GRM7: variants seen among roughly 807,000 people sequenced by gnomAD.
The protein encoded by GRM7 is glutamate metabotropic receptor 7.
In GRM7, 35 loss-of-function variants were observed where a neutral mutation model predicts 84.5. The observed-to-expected ratio is 0.41, with a 90% confidence interval of 0.32 to 0.55. GRM7 has a LOEUF of 0.55. Among genes scored for constraint, GRM7 ranks in the 20% least tolerant of loss-of-function variants. GRM7 has a pLI of 0.19. For missense variants in GRM7, 1,003 were observed against 1,194.6 expected (o/e 0.84, Z 2.36); for synonymous variants, 487 against 455.1 (o/e 1.07, Z -0.89).
At chr3:7,502,855 A>T (rs535330459) in intron 7 of GRM7, among the ~76,000 whole-genome samples, 1 of 152,200 alleles carries the variant, frequency 6.6e-6, no homozygotes, top group Non-Finnish European at 1.5e-5. Flanking sequence ...ACATCATTTT[A>T]ATTCTAACGC....
At position 7,661,794 on chromosome 3, in the gene GRM7, C is replaced by CAAAAAAAAAAAAA. The variant is rs71043686; in HGVS notation, c.2452-18241_2452-18229dup. On this transcript the variant is annotated intron_variant, in intron 8 of 9. Transcript: ENST00000357716. ...GGGCCACAGAGCGAGGTCTCCGTCT[C>CAAAAAAAAAAAAA]AAAAAAAAAAAAAAAAAAAAAAAAA... is the stretch of plus-strand genomic sequence containing the variant. Among the ~76,000 whole-genome samples the CAAAAAAAAAAAAA allele has an allele frequency of 6.3e-3, 177 of 28,196 alleles. 21 individuals are homozygous for CAAAAAAAAAAAAA. Among genetic ancestry groups the CAAAAAAAAAAAAA allele is most frequent in the East Asian group, 0.035 (19 of 546 alleles). The allele number at this position is 28,196 out of a possible 152,430, so 18.5% of individuals were successfully genotyped here. A position where few individuals can be genotyped will look rare whatever the true frequency, so the allele number is the denominator to read the frequency against.
At chr3:7,714,533 C>T (rs887482015) in intron 9 of GRM7, among the ~76,000 whole-genome samples, 1 of 152,172 alleles carries the variant, frequency 6.6e-6, no homozygotes, top group Non-Finnish European at 1.5e-5. Context: ...AATGCATTCA[C>T]TTAGGTTCCA....
chr3:7,308,378 C>A (rs193044188), intron 4 of GRM7, among the ~76,000 whole-genome samples: 2 of 152,280 alleles, frequency 1.3e-5, no homozygotes, highest in East Asian at 1.9e-4. Flanking sequence ...GTTGGAACTA[C>A]CTCTTTACTT....
chr3:7,199,268 G>C (rs1043502944), intron 2 of GRM7, among the ~76,000 whole-genome samples: 2 of 152,192 alleles, frequency 1.3e-5, no homozygotes, highest in Admixed American at 6.5e-5. Flanking sequence ...GCCAAATGCT[G>C]AGACATGACA....
At chr3:6,971,328 T>A (rs1693752616) in intron 1 of GRM7, among the ~76,000 whole-genome samples, 1 of 152,180 alleles carries the variant, frequency 6.6e-6, no homozygotes, top group Non-Finnish European at 1.5e-5. Context: ...TTTGAAACAA[T>A]TACAACCTCA....
intron 4 of GRM7, among the ~76,000 whole-genome samples, chr3:7,395,018 A>G (rs1368341380): frequency 6.9e-6 from 1 of 145,550 alleles, no homozygotes; most frequent in East Asian, 2.0e-4. Context: ...AGCCTGAGCA[A>G]CAACAGTGAA....
intron 1 of GRM7, among the ~76,000 whole-genome samples, chr3:7,111,938 T>G (rs1285396016): frequency 6.6e-6 from 1 of 152,148 alleles, no homozygotes. Flanking sequence ...CAGGGCCTTT[T>G]AAAATTAAGC....
intron 5 of GRM7, among the ~76,000 whole-genome samples, chr3:7,439,288 C>A (rs1197275284): frequency 6.6e-6 from 1 of 152,044 alleles, no homozygotes; most frequent in Non-Finnish European, 1.5e-5. Flanking sequence ...CTCTTTAGAG[C>A]AAAGGTCAGC....
intron 2 of GRM7, among the ~76,000 whole-genome samples, chr3:7,167,861 C>T (rs1037435537): frequency 4.0e-5 from 6 of 151,250 alleles, no homozygotes; most frequent in African/African-American, 7.3e-5. Flanking sequence ...CCCTGCTACT[C>T]GGGAGGCTGA....
chr3:7,347,711 C>G (rs757408789), intron 4 of GRM7, among the ~76,000 whole-genome samples: 1 of 152,094 alleles, frequency 6.6e-6, no homozygotes, highest in East Asian at 1.9e-4. Context: ...AAAACTTTAT[C>G]GTCTTCATTA....
chr3:6,904,068 T>A (rs1696484784), intron 1 of GRM7, among the ~76,000 whole-genome samples: 1 of 152,190 alleles, frequency 6.6e-6, no homozygotes, highest in Non-Finnish European at 1.5e-5. Context: ...CACTTCTTTT[T>A]AAATCTGACT....
At chr3:7,310,060 C>T (rs546950259) in intron 4 of GRM7, among the ~76,000 whole-genome samples, 7 of 152,300 alleles carry the variant, frequency 4.6e-5, no homozygotes, top group East Asian at 3.9e-4. Flanking sequence ...TAATGGCCTA[C>T]GTTGCCTTCA....
rs190659449 is a variant in GRM7 at position 7,373,279 on chromosome 3, G to A, written c.1034-41744G>A. Among the ~76,000 whole-genome samples the A allele has an allele frequency of 2.4e-4, 36 of 152,180 alleles. No individual in the cohort carries two copies. In the East Asian group the frequency reaches 6.2e-3, roughly 26 times the overall value. On this transcript the variant is annotated intron_variant, in intron 4 of 9. Transcript: ENST00000357716. ...TTTATAATCAGTACCCAACAGTTGG[G>A]TCACTGATTTTCTAGAACTGCCTAA...
Position 7,146,445 on chromosome 3 carries a change from T to C in GRM7, c.520-7T>C. The stretch of plus-strand genomic sequence containing the variant: ...CACTCTCACGTGGTGCTTTCTTGTC[T>C]TTGCAGATCCCCCAGATTAGTTATG... On this transcript the variant is annotated splice_polypyrimidine_tract_variant and splice_region_variant and intron_variant, in intron 1 of 9. Transcript: ENST00000357716. 1 of 1,608,012 alleles carries C rather than the reference T, an allele frequency of 6.2e-7. No homozygotes were observed. The highest frequency in any genetic ancestry group is 8.5e-7 in the Non-Finnish European group (1 of 1,175,350).
intron 1 of GRM7, among the ~76,000 whole-genome samples, chr3:6,899,817 A>G (rs932139606): frequency 2.0e-5 from 3 of 152,196 alleles, no homozygotes; most frequent in Non-Finnish European, 4.4e-5. Flanking sequence ...ACTTTTAATC[A>G]ACTTCAGAGG....
chr3:6,944,539 C>G (rs1213957107), intron 1 of GRM7, among the ~76,000 whole-genome samples: 2 of 152,096 alleles, frequency 1.3e-5, no homozygotes, highest in African/African-American at 2.4e-5. Flanking sequence ...TTGGTCATGA[C>G]AAATGATCAT....
intron 8 of GRM7, chr3:7,607,167 C>G (rs1319996361): frequency 6.6e-6 from 1 of 152,126 alleles, no homozygotes; most frequent in Non-Finnish European, 1.5e-5. Flanking sequence ...GGTCTCAGGG[C>G]TGTTTCTGAG....
chr3:7,160,255 A>G (rs905664209), intron 2 of GRM7, among the ~76,000 whole-genome samples: 6 of 152,076 alleles, frequency 3.9e-5, no homozygotes, highest in African/African-American at 1.4e-4. Flanking sequence ...CAGCCAGGCT[A>G]TGTAGCCTGG....
intron 7 of GRM7, among the ~76,000 whole-genome samples, chr3:7,555,997 T>C (rs772602969): frequency 7.2e-5 from 11 of 152,122 alleles, no homozygotes; most frequent in Non-Finnish European, 1.6e-4. Flanking sequence ...CACTCTCAAT[T>C]AACCTGTCTT....
Sources: allele counts gnomAD v4.1 joint callset (sites outside exome capture counted in the v4.1 genomes callset), GRCh38; gene constraint gnomAD v4.1.1; transcripts MANE v1.5; gene names NCBI Gene and HGNC (gene_info 2026-07-23, HGNC 2026-07-21).